SLC22A15: variants seen among roughly 807,000 people sequenced by gnomAD.
SLC22A15 encodes the protein flipt 1.
Under a neutral mutation model 62.7 loss-of-function variants are expected in SLC22A15, and 45 were observed. The ratio of observed to expected loss-of-function variants is 0.72; its 90% CI spans 0.56 to 0.92. SLC22A15 has a LOEUF of 0.92. Ranked by LOEUF, SLC22A15 falls within the 40% of genes least tolerant of loss-of-function variation. The pLI, the probability that SLC22A15 is intolerant of heterozygous loss-of-function variation, is 0.00. For synonymous variants in SLC22A15, 264 were observed against 267.0 expected (o/e 0.99, Z 0.11); for missense variants, 622 against 665.6 (o/e 0.93, Z 0.72).
intron 5 of SLC22A15, 25 bp from the exon 6 acceptor site, chr1:116,031,337 TATAC>T: frequency 6.5e-7 from 1 of 1,531,922 alleles, no homozygotes; most frequent in Non-Finnish European, 9.0e-7. Flanking sequence ...CCTATATGAA[TATAC>T]AGGCTTTAAT....
intron 8 of SLC22A15, among the ~76,000 whole-genome samples, chr1:116,055,733 A>T (rs1658186770): frequency 6.6e-6 from 1 of 150,774 alleles, no homozygotes; most frequent in African/African-American, 2.4e-5. Flanking sequence ...CATCCCTGGG[A>T]TGCAAGGCTG....
chr1:115,999,897 A>G (rs1283007471), intron 2 of SLC22A15, among the ~76,000 whole-genome samples: 2 of 151,892 alleles, frequency 1.3e-5, no homozygotes, highest in Non-Finnish European at 2.9e-5. Context: ...CTTGAAATCT[A>G]TTTTGTCTGA....
At position 116,066,669 on chromosome 1, in the gene SLC22A15, A is replaced by G. The variant is rs756274517; in HGVS notation, c.1515A>G (p.Gly505=). The change falls in exon 11 of 12, where the codon GGA becomes GGG. Residue 505 remains glycine (G), a synonymous_variant. Coordinates refer to ENST00000369503, the MANE Select transcript of SLC22A15 (RefSeq NM_018420.3). ...DLQVYSYRRL[G]EEALSLQALD... ...AGGTGTATTCGTATCGCAGGCTGGG[A>G]GAAGAAGCATTATCTTTACAGGCTT... 2.5e-6 allele frequency: 4 copies of G among 1,612,862 alleles called. No homozygotes were observed. Among genetic ancestry groups the G allele is most frequent in the Non-Finnish European group, 1.7e-6 (2 of 1,179,548 alleles).
chr1:116,037,704 C>T (rs1207206429), intron 8 of SLC22A15, among the ~76,000 whole-genome samples: 1 of 152,078 alleles, frequency 6.6e-6, no homozygotes, highest in African/African-American at 2.4e-5. Context: ...CAGAAAGAAA[C>T]TTCATCCAAG....
chr1:116,066,006 G>GT (rs1275453868), intron 10 of SLC22A15, among the ~76,000 whole-genome samples: 1 of 152,146 alleles, frequency 6.6e-6, no homozygotes, highest in Non-Finnish European at 1.5e-5. Flanking sequence ...CGTAGGGTTG[G>GT]TTTTTTAAAA....
chr1:115,984,635 G>A (rs1342439211), intron 1 of SLC22A15, among the ~76,000 whole-genome samples: 1 of 152,116 alleles, frequency 6.6e-6, no homozygotes, highest in Non-Finnish European at 1.5e-5. Context: ...AAAGTTAACT[G>A]TAAACCAGCC....
chr1:116,047,562 T>A (rs1365470832), intron 8 of SLC22A15, among the ~76,000 whole-genome samples: 3 of 152,150 alleles, frequency 2.0e-5, no homozygotes, highest in Non-Finnish European at 4.4e-5. Context: ...CAGGACTCTA[T>A]AGAGACAACC....
intron 2 of SLC22A15, among the ~76,000 whole-genome samples, chr1:116,002,053 G>C (rs563024270): frequency 6.6e-6 from 1 of 152,240 alleles, no homozygotes; most frequent in African/African-American, 2.4e-5. Flanking sequence ...ATAAGTGCAT[G>C]AGATAGCACC....
chr1:116,027,778 A>G (rs1260180639), intron 5 of SLC22A15, among the ~76,000 whole-genome samples: 1 of 152,090 alleles, frequency 6.6e-6, no homozygotes, highest in Non-Finnish European at 1.5e-5. Context: ...GGCATGCGCC[A>G]CCACGCCCGA....
chr1:115,989,728 C>T (rs773933611), intron 1 of SLC22A15, among the ~76,000 whole-genome samples: 1 of 151,626 alleles, frequency 6.6e-6, no homozygotes, highest in Non-Finnish European at 1.5e-5. Flanking sequence ...TTGCAGTGAG[C>T]CAAGATCGCA....
At chr1:116,062,637 G>A (rs1364763367) in intron 8 of SLC22A15, 125 bp from the exon 9 acceptor site, 2 of 1,085,046 alleles carry the variant, frequency 1.8e-6, no homozygotes, top group Non-Finnish European at 2.7e-6. Context: ...TGTGTATTTG[G>A]TTACACTATC....
chr1:116,011,781 T>G (rs1570724526), intron 2 of SLC22A15, among the ~76,000 whole-genome samples: 1 of 150,768 alleles, frequency 6.6e-6, no homozygotes, highest in African/African-American at 2.4e-5. Context: ...GGGGAGGAGG[T>G]GGGGATGCAA....
intron 10 of SLC22A15, 48 bp from the exon 11 acceptor site, chr1:116,066,472 G>C: frequency 6.7e-7 from 1 of 1,494,186 alleles, no homozygotes; most frequent in Non-Finnish European, 9.0e-7. Context: ...TACATGCTAA[G>C]GAAACTAATT....
chr1:115,983,702 C>T (rs1249302314), intron 1 of SLC22A15, among the ~76,000 whole-genome samples: 1 of 152,122 alleles, frequency 6.6e-6, no homozygotes, highest in East Asian at 1.9e-4. Flanking sequence ...AAGTGGCTGC[C>T]TTTCATCATA....
At chr1:116,011,396 G>C (rs947323719) in intron 2 of SLC22A15, among the ~76,000 whole-genome samples, 1 of 152,080 alleles carries the variant, frequency 6.6e-6, no homozygotes, top group Non-Finnish European at 1.5e-5. Flanking sequence ...AATGGCATTC[G>C]GTGGCTCCAA....
chr1:116,042,274 G>T (rs1657808929), intron 8 of SLC22A15, among the ~76,000 whole-genome samples: 1 of 151,522 alleles, frequency 6.6e-6, no homozygotes, highest in African/African-American at 2.4e-5. Context: ...TGTACTCCAT[G>T]TGCTTAAGAA....
rs550165418 is a variant in SLC22A15, at chr1:116,040,265, T to C, written c.1171+2877T>C. On this transcript the variant is annotated intron_variant, in intron 8 of 11. Coordinates refer to ENST00000369503, the MANE Select transcript of SLC22A15 (RefSeq NM_018420.3). ...GTATATATTTGCATGCTGGTTGGCA[T>C]TGAAGTAAATGTTCTCCTCTGGGAG... 3.2e-4 allele frequency among the ~76,000 whole-genome samples: 48 copies of C among 152,332 alleles called. No homozygotes were observed. The South Asian group carries it at 9.7e-3, about 31-fold the overall frequency.
chr1:116,015,107 A>G (rs1656459741), intron 2 of SLC22A15: 1 of 152,188 alleles, frequency 6.6e-6, no homozygotes, highest in Admixed American at 6.5e-5. Flanking sequence ...AAAACATTTA[A>G]ACCAATATCT....
chr1:116,034,145 G>A (rs150729324), intron 6 of SLC22A15, among the ~76,000 whole-genome samples: 2 of 152,278 alleles, frequency 1.3e-5, no homozygotes, highest in East Asian at 3.9e-4. Context: ...TGATCAAACT[G>A]TGTTGCAAAA....
Sources: allele counts gnomAD v4.1 joint callset (sites outside exome capture counted in the v4.1 genomes callset), GRCh38; gene constraint gnomAD v4.1.1; transcripts MANE v1.5; gene names NCBI Gene and HGNC (gene_info 2026-07-23, HGNC 2026-07-21).